Variants in PDSS2 observed in about 807,000 individuals in gnomAD.
PDSS2 encodes all trans-polyprenyl-diphosphate synthase PDSS2.
A neutral mutation model predicts 44.5 loss-of-function variants in PDSS2; 31 were observed. The observed-to-expected ratio is 0.70, with a 90% CI of 0.52 to 0.94. PDSS2 has a LOEUF of 0.94. Ranked by LOEUF, PDSS2 falls within the 40% of genes least tolerant of loss-of-function variation. The pLI is 0.00. For synonymous variants in PDSS2, 157 were observed against 180.3 expected, an observed-to-expected ratio of 0.87 and a Z score of 1.03; for missense variants, 452 against 482.2, an observed-to-expected ratio of 0.94 and a Z score of 0.59.
intron 4 of PDSS2, among the ~76,000 whole-genome samples, chr6:107,243,033 G>T (rs1311675355): frequency 6.6e-6 from 1 of 152,170 alleles, no homozygotes; most frequent in Non-Finnish European, 1.5e-5. Flanking sequence ...TCAGCAATTG[G>T]TGCTTGCTAA....
At chr6:107,408,735 T>C (rs1169141478) in intron 1 of PDSS2, among the ~76,000 whole-genome samples, 1 of 152,206 alleles carries the variant, frequency 6.6e-6, no homozygotes, top group Non-Finnish European at 1.5e-5. Context: ...ATTGTTACCA[T>C]GCCTTCTGAA....
intron 2 of PDSS2, among the ~76,000 whole-genome samples, chr6:107,308,368 A>G (rs935733884): frequency 7.9e-5 from 12 of 152,276 alleles, no homozygotes; most frequent in African/African-American, 2.7e-4. Flanking sequence ...GTTAGACCCT[A>G]GAAATATAAA....
At chr6:107,379,130 TG>T (rs1779380375) in intron 1 of PDSS2, among the ~76,000 whole-genome samples, 1 of 152,252 alleles carries the variant, frequency 6.6e-6, no homozygotes, top group South Asian at 2.1e-4. Context: ...TTCTTTGGCA[TG>T]GAAGATTTGT....
chr6:107,352,143 C>T, intron 1 of PDSS2, among the ~76,000 whole-genome samples: 1 of 152,090 alleles, frequency 6.6e-6, no homozygotes, highest in East Asian at 1.9e-4. Flanking sequence ...AGAAGATTAA[C>T]CATAACTGTT....
intron 3 of PDSS2, among the ~76,000 whole-genome samples, chr6:107,256,248 C>T (rs1402582486): frequency 6.6e-6 from 1 of 152,172 alleles, no homozygotes; most frequent in Non-Finnish European, 1.5e-5. Flanking sequence ...ACCTCGGCCT[C>T]CCAAAGTGCT....
chr6:107,170,126 C>G (rs1190258812), intron 7 of PDSS2, among the ~76,000 whole-genome samples: 1 of 152,146 alleles, frequency 6.6e-6, no homozygotes, highest in Non-Finnish European at 1.5e-5. Context: ...TGGGCTTCAC[C>G]CAGTTGGAGC....
At chr6:107,372,812 T>G (rs918815627) in intron 1 of PDSS2, among the ~76,000 whole-genome samples, 6 of 152,086 alleles carry the variant, frequency 3.9e-5, no homozygotes, top group Non-Finnish European at 7.3e-5. Flanking sequence ...TTAAAAATGT[T>G]GATATTAGGT....
intron 4 of PDSS2, among the ~76,000 whole-genome samples, chr6:107,229,549 G>T (rs998461997): frequency 6.6e-6 from 1 of 152,076 alleles, no homozygotes; most frequent in African/African-American, 2.4e-5. Context: ...CTTTGGTAGG[G>T]TGAATTAGCT....
chr6:107,438,989 G>A (rs1008421359), intron 1 of PDSS2, among the ~76,000 whole-genome samples: 7 of 152,128 alleles, frequency 4.6e-5, no homozygotes, highest in Non-Finnish European at 1.0e-4. Context: ...GGTATGAAGT[G>A]GAAGATGATC....
chr6:107,451,345 T>C (rs1027337973), intron 1 of PDSS2, among the ~76,000 whole-genome samples: 6 of 152,126 alleles, frequency 3.9e-5, no homozygotes, highest in Admixed American at 1.3e-4. Flanking sequence ...TGTCATAATG[T>C]AAAAGAGTCT....
chr6:107,242,810 G>A (rs947290352), intron 4 of PDSS2, among the ~76,000 whole-genome samples: 3 of 152,164 alleles, frequency 2.0e-5, no homozygotes, highest in Non-Finnish European at 4.4e-5. Context: ...GGGATTATAG[G>A]CTTGAGCCAC....
At chr6:107,308,840 A>G (rs1277186252) in intron 2 of PDSS2, among the ~76,000 whole-genome samples, 1 of 152,218 alleles carries the variant, frequency 6.6e-6, no homozygotes, top group East Asian at 1.9e-4. Flanking sequence ...GACGATGAAC[A>G]GAGTCGACAG....
intron 5 of PDSS2, among the ~76,000 whole-genome samples, chr6:107,211,540 A>C (rs9480751): frequency 6.6e-6 from 1 of 151,218 alleles, no homozygotes. Flanking sequence ...GACCATCCTG[A>C]CCAACATGGT....
chr6:107,366,170 A>C (rs1778955203), intron 1 of PDSS2, among the ~76,000 whole-genome samples: 1 of 152,174 alleles, frequency 6.6e-6, no homozygotes, highest in South Asian at 2.1e-4. Context: ...AAAAGACTGA[A>C]ATCATAAAAA....
chr6:107,216,618 T>C (rs1187131251), intron 4 of PDSS2, among the ~76,000 whole-genome samples: 6 of 152,134 alleles, frequency 3.9e-5, no homozygotes, highest in Admixed American at 3.3e-4. Context: ...TATAAAGACA[T>C]ATCATGTTCA....
chr6:107,230,100 C>A (rs1191350455), intron 4 of PDSS2: 3 of 161,698 alleles, frequency 1.9e-5, no homozygotes, highest in South Asian at 3.1e-4. Context: ...AGAATGAAGT[C>A]AGTCAGGGAG....
intron 1 of PDSS2, among the ~76,000 whole-genome samples, chr6:107,456,560 T>C (rs560363492): frequency 5.9e-5 from 9 of 152,348 alleles, no homozygotes; most frequent in Middle Eastern, 3.4e-3. Flanking sequence ...ATTTTACTTA[T>C]TTCATTTTAT....
At chr6:107,322,202 TA>T (rs1471509334) in intron 2 of PDSS2, among the ~76,000 whole-genome samples, 2 of 152,166 alleles carry the variant, frequency 1.3e-5, no homozygotes, top group African/African-American at 4.8e-5. Context: ...ATTGAAGAGT[TA>T]AGGATGTTTT....
At chr6:107,267,916 A>G (rs1270884534) in intron 3 of PDSS2, among the ~76,000 whole-genome samples, 1 of 152,096 alleles carries the variant, frequency 6.6e-6, no homozygotes, top group African/African-American at 2.4e-5. Context: ...AGTCTGCTTA[A>G]TAGGATCAAT....
Sources: gnomAD v4.1 joint callset for allele counts (sites outside exome capture counted in the v4.1 genomes callset) on GRCh38, gnomAD v4.1.1 for gene constraint, MANE v1.5 for transcripts, NCBI Gene and HGNC (gene_info 2026-07-23, HGNC 2026-07-21) for gene names.